The following ZBTB16 variants were observed in gnomAD, a reference collection of about 807,000 sequenced individuals.
ZBTB16 encodes the protein zinc finger and BTB domain containing 16.
In ZBTB16, 8 loss-of-function variants were observed where a neutral mutation model predicts 56.8. The observed-to-expected ratio is 0.14, with a 90% CI of 0.08 to 0.25. The LOEUF (loss-of-function observed/expected upper bound fraction) is 0.25, where lower values mean the gene tolerates loss of function less well. Ranked by LOEUF, ZBTB16 falls within the 10% of genes least tolerant of loss-of-function variation. The probability of loss-of-function intolerance (pLI) is 1.00; values close to 1 mark genes in which losing one functional copy is unlikely to be tolerated. For synonymous variants in ZBTB16, 363 were observed against 368.5 expected (o/e 0.98, Z 0.17); for missense variants, 625 against 903.0 (o/e 0.69, Z 3.95).
intron 4 of ZBTB16, among the ~76,000 whole-genome samples, chr11:114,240,018 G>C (rs1565704144): frequency 6.6e-6 from 1 of 152,226 alleles, no homozygotes; most frequent in Non-Finnish European, 1.5e-5. Context: ...TGACAACATA[G>C]ATAAGGTACC....
chr11:114,231,655 C>A (rs1310954658), intron 4 of ZBTB16, among the ~76,000 whole-genome samples: 11 of 152,186 alleles, frequency 7.2e-5, no homozygotes, highest in Admixed American at 7.2e-4. Flanking sequence ...GGTGCCCAGT[C>A]AATGTTGGAT....
At chr11:114,087,345 C>CG (rs1425435609) in intron 2 of ZBTB16, among the ~76,000 whole-genome samples, 2 of 152,062 alleles carry the variant, frequency 1.3e-5, no homozygotes, top group Non-Finnish European at 2.9e-5. Flanking sequence ...CGTTTTTTGT[C>CG]TTTTCTTGTG....
At chr11:114,133,159 A>T in intron 2 of ZBTB16, among the ~76,000 whole-genome samples, 1 of 151,746 alleles carries the variant, frequency 6.6e-6, no homozygotes, top group East Asian at 1.9e-4. Flanking sequence ...TTCTTCACAA[A>T]ATTGACTGGT....
At chr11:114,095,139 A>T (rs1375344422) in intron 2 of ZBTB16, among the ~76,000 whole-genome samples, 2 of 151,866 alleles carry the variant, frequency 1.3e-5, no homozygotes, top group African/African-American at 4.8e-5. Context: ...AGGAATGAAG[A>T]TGCACGTGCA....
chr11:114,240,377 C>T (rs1317630298), intron 4 of ZBTB16, among the ~76,000 whole-genome samples: 1 of 152,152 alleles, frequency 6.6e-6, no homozygotes, highest in Non-Finnish European at 1.5e-5. Context: ...CCCTTCTCTT[C>T]CCCCTACCTT....
chr11:114,130,191 AG>A (rs1249997351), intron 2 of ZBTB16, among the ~76,000 whole-genome samples: 1 of 152,192 alleles, frequency 6.6e-6, no homozygotes, highest in Non-Finnish European at 1.5e-5. Context: ...AAATGTCCCA[AG>A]GGTGTGTCCT....
At chr11:114,247,539 G>A (rs953964778) in intron 6 of ZBTB16, among the ~76,000 whole-genome samples, 174 bp downstream of exon 6, 9 of 152,154 alleles carry the variant, frequency 5.9e-5, no homozygotes, top group African/African-American at 2.2e-4. Flanking sequence ...CCCAGTCAAG[G>A]TGGCCTGAGG....
intron 4 of ZBTB16, among the ~76,000 whole-genome samples, chr11:114,216,700 C>G (rs1194604812): frequency 2.6e-5 from 4 of 152,166 alleles, no homozygotes; most frequent in Non-Finnish European, 4.4e-5. Flanking sequence ...CCCCTTACCC[C>G]CTATTCTCAC....
chr11:114,157,220 T>C (rs561642732), intron 3 of ZBTB16, among the ~76,000 whole-genome samples: 2 of 152,298 alleles, frequency 1.3e-5, no homozygotes, highest in South Asian at 4.1e-4. Context: ...CCTTTCCCCA[T>C]ATTGGCTCCA....
intron 2 of ZBTB16, among the ~76,000 whole-genome samples, chr11:114,083,981 A>G (rs1939875088): frequency 6.6e-6 from 1 of 152,080 alleles, no homozygotes; most frequent in Admixed American, 6.6e-5. Context: ...CATCAGGGTG[A>G]TTATATTTCG....
intron 2 of ZBTB16, among the ~76,000 whole-genome samples, chr11:114,149,748 A>G (rs1942238231): frequency 6.6e-6 from 1 of 152,218 alleles, no homozygotes; most frequent in African/African-American, 2.4e-5. Context: ...ACATTAAAAA[A>G]AAGTGGGCAA....
intron 4 of ZBTB16, among the ~76,000 whole-genome samples, chr11:114,222,516 T>C (rs1478625346): frequency 6.6e-6 from 1 of 152,104 alleles, no homozygotes; most frequent in Non-Finnish European, 1.5e-5. Flanking sequence ...CGGGAGCTGG[T>C]AAATCCCTGG....
rs568523578 is a variant in ZBTB16, at chr11:114,137,684, A to G, written c.1269-18653A>G. On this transcript the variant is annotated intron_variant, in intron 2 of 6. Coordinates refer to ENST00000335953, the MANE Select transcript of ZBTB16 (RefSeq NM_006006.6). ...GGAGATGAAGTTACCTGCCTACTCT[A>G]TTACAGTTTATTTCATTAAGGTTGA... Among the ~76,000 whole-genome samples, 6 of 152,224 alleles carry G rather than the reference A, an allele frequency of 3.9e-5. No homozygotes were observed. In the South Asian group the frequency reaches 6.2e-4, roughly 16 times the overall value.
chr11:114,115,881 G>A (rs752910361), intron 2 of ZBTB16, among the ~76,000 whole-genome samples: 15 of 152,116 alleles, frequency 9.9e-5, no homozygotes, highest in Admixed American at 2.0e-4. Context: ...GCGAGCATGC[G>A]TTCATGTGCT....
intron 3 of ZBTB16, among the ~76,000 whole-genome samples, chr11:114,174,443 A>G (rs1943053213): frequency 6.6e-6 from 1 of 152,106 alleles, no homozygotes; most frequent in Non-Finnish European, 1.5e-5. Flanking sequence ...TACTCTGGGA[A>G]GCCAAGGTGG....
At chr11:114,209,274 T>C (rs1416715267) in intron 4 of ZBTB16, 5 of 588,102 alleles carry the variant, frequency 8.5e-6, no homozygotes, top group East Asian at 2.8e-4. Context: ...TGGAGAAGGA[T>C]TTGCTGGCCA....
At position 114,096,586 on chromosome 11, in the gene ZBTB16, G is replaced by A. The variant is rs530573683; in HGVS notation, c.1268+32018G>A. 5.9e-5 allele frequency among the ~76,000 whole-genome samples: 9 copies of A among 152,246 alleles called. No individual in the cohort carries two copies. In the South Asian group the frequency reaches 1.7e-3, roughly 28 times the overall value. On this transcript the variant is annotated intron_variant, in intron 2 of 6. Coordinates refer to ENST00000335953, the MANE Select transcript of ZBTB16 (RefSeq NM_006006.6). ...AACATCGTTGTCTCATAAGTGTGCA[G>A]TAATGGCATATTGAGACTGTTCATA...
intron 2 of ZBTB16, among the ~76,000 whole-genome samples, chr11:114,092,781 C>T (rs1186594093): frequency 6.6e-6 from 1 of 152,126 alleles, no homozygotes; most frequent in African/African-American, 2.4e-5. Context: ...TCCTTTCAGA[C>T]TGGTCAGGCC....
chr11:114,162,614 A>G (rs958237682), intron 3 of ZBTB16, among the ~76,000 whole-genome samples: 4 of 152,198 alleles, frequency 2.6e-5, no homozygotes, highest in African/African-American at 9.7e-5. Context: ...AATACCAGCT[A>G]TCCCTTCTGG....
Sources: allele counts gnomAD v4.1 joint callset (sites outside exome capture counted in the v4.1 genomes callset), GRCh38; gene constraint gnomAD v4.1.1; transcripts MANE v1.5; gene names NCBI Gene and HGNC (gene_info 2026-07-23, HGNC 2026-07-21).